The following CPLANE1 variants were observed in gnomAD, a reference collection of about 807,000 sequenced individuals.
CPLANE1 encodes ciliogenesis and planar polarity effector complex subunit 1.
CPLANE1 carries 263 observed loss-of-function variants against 362.5 expected under a neutral mutation model. That is an observed-to-expected ratio of 0.73 (90% CI 0.66 to 0.80). CPLANE1 has a LOEUF of 0.80. Ranked by LOEUF, CPLANE1 falls within the 30% of genes least tolerant of loss-of-function variation. The probability of loss-of-function intolerance (pLI) is 0.00; values close to 1 mark genes in which losing one functional copy is unlikely to be tolerated. For missense variants in CPLANE1, 3,461 were observed against 3,793.4 expected, an observed-to-expected ratio of 0.91 and a Z score of 2.30; for synonymous variants, 1,212 against 1,302.6, an observed-to-expected ratio of 0.93 and a Z score of 1.50.
chr5:37,112,928 A>G (rs1393049579), intron 51 of CPLANE1, among the ~76,000 whole-genome samples: 10 of 152,224 alleles, frequency 6.6e-5, no homozygotes, highest in Non-Finnish European at 1.3e-4. Context: ...GGGACTTTCA[A>G]AAACAAAACA....
chr5:37,180,167 C>G lies in CPLANE1; in HGVS notation c.5587G>C (p.Ala1863Pro). Residue 1863 changes from alanine to proline, a missense_variant, in exon 28 of 53, where the codon GCA (alanine) becomes CCA (proline). Coordinates refer to ENST00000651892, the MANE Select transcript of CPLANE1 (RefSeq NM_001384732.1). ...ATTTCTTTTATATCAGGATTTTTTG[C>G]TTCAGTTGGCATTCTACTGAAAAAA... is the stretch of plus-strand genomic sequence containing the variant. ...QNILNRMPTE[A>P]KNPDIKEIND... 6.7e-7 allele frequency: 1 copy of G among 1,499,438 alleles called. No homozygotes were observed. Among genetic ancestry groups the G allele is most frequent in the Non-Finnish European group, 8.9e-7 (1 of 1,123,500 alleles). 92.9% of individuals were successfully genotyped at this position (1,499,438 alleles called of 1,614,324 possible). A position where few individuals can be genotyped will look rare whatever the true frequency, so the allele number is the denominator to read the frequency against.
chr5:37,100,545 T>C, the CPLANE1 span, among the ~76,000 whole-genome samples: 3 of 152,254 alleles, frequency 2.0e-5, no homozygotes, highest in Non-Finnish European at 4.4e-5. Flanking sequence ...GGTAGCATGA[T>C]GCCTCAAGCT....
chr5:37,243,735 TA>T (rs1738482142), intron 5 of CPLANE1, among the ~76,000 whole-genome samples: 1 of 146,270 alleles, frequency 6.8e-6, no homozygotes, highest in South Asian at 2.1e-4. Flanking sequence ...GTATTATATA[TA>T]ATATATAATA....
intron 41 of CPLANE1, 102 bp from the exon 42 acceptor site, chr5:37,154,095 C>T: frequency 1.0e-6 from 1 of 982,642 alleles, no homozygotes; most frequent in African/African-American, 1.6e-5. Flanking sequence ...CAACACAACA[C>T]TACTTTCCAA....
At chr5:37,155,080 A>G (rs1003859618) in intron 41 of CPLANE1, among the ~76,000 whole-genome samples, 13 of 152,322 alleles carry the variant, frequency 8.5e-5, no homozygotes, top group Non-Finnish European at 1.6e-4. Context: ...AGCTTTCACA[A>G]TAAATAGACC....
At chr5:37,093,334 C>T in the CPLANE1 span, among the ~76,000 whole-genome samples, 2 of 152,210 alleles carry the variant, frequency 1.3e-5, no homozygotes. Context: ...GATGCACTGG[C>T]ATTCCAACAG....
At chr5:37,146,659 C>T (rs1029997149) in intron 43 of CPLANE1, among the ~76,000 whole-genome samples, 7 of 151,772 alleles carry the variant, frequency 4.6e-5, no homozygotes, top group South Asian at 2.1e-4. Context: ...GTCTGGGTTT[C>T]GTTTCAAAAT....
chr5:37,180,032 T>A lies in CPLANE1; in HGVS notation c.5722A>T (p.Ile1908Leu). 6.4e-7 allele frequency: 1 copy of A among 1,557,120 alleles called. No individual in the cohort carries two copies. Among genetic ancestry groups the A allele is most frequent in the Non-Finnish European group, 8.7e-7 (1 of 1,155,606 alleles). Residue 1908 changes from isoleucine to leucine, a missense_variant, in exon 28 of 53, where the codon ATA (isoleucine) becomes TTA (leucine). Ile to Leu is a conservative substitution (Grantham distance 5). Coordinates refer to ENST00000651892, the MANE Select transcript of CPLANE1 (RefSeq NM_001384732.1). ...AFTEEEMDMH[I>L]SDYEEDIEES... ...ATGAACTGACCTTCATAGTCTGATA[T>A]GTGCATATCCATTTCCTCTTCTGTA... is the stretch of plus-strand genomic sequence containing the variant.
At chr5:37,212,596 T>C (rs1366735292) in intron 16 of CPLANE1, among the ~76,000 whole-genome samples, 6 of 151,946 alleles carry the variant, frequency 3.9e-5, no homozygotes, top group Non-Finnish European at 5.9e-5. Flanking sequence ...GTGTGGCAAA[T>C]AGTAGGCACT....
chr5:37,184,172 A>T (rs1458062221), intron 25 of CPLANE1, among the ~76,000 whole-genome samples: 1 of 152,174 alleles, frequency 6.6e-6, no homozygotes, highest in Non-Finnish European at 1.5e-5. Context: ...TTGTTTTACC[A>T]CACAAAAACT....
At chr5:37,156,340 A>AT (rs1484162655) in intron 41 of CPLANE1, among the ~76,000 whole-genome samples, 1 of 152,230 alleles carries the variant, frequency 6.6e-6, no homozygotes, top group Admixed American at 6.5e-5. Context: ...GTGGTGGCTC[A>AT]TGCCTATAAT....
chr5:37,226,779 A>C lies in CPLANE1; in HGVS notation c.1816T>G (p.Phe606Val), dbSNP rs1164067387. ...CATTTTATAAATTGAAGAATGTAAA[A>C]AAAATGAGTGATACAAACTACTATG... ...NYIVVCITHF[F>V]YILQFIKCPF... The change falls in exon 12 of 53, where the codon TTT (phenylalanine) becomes GTT (valine). Residue 606 changes from phenylalanine to valine, a missense_variant. Transcript: ENST00000651892. 6.5e-7 allele frequency: 1 copy of C among 1,542,226 alleles called. No homozygotes were observed. The highest frequency in any genetic ancestry group is 1.2e-5 in the South Asian group (1 of 81,708).
chr5:37,086,756 C>CT, the CPLANE1 span, among the ~76,000 whole-genome samples: 1 of 152,108 alleles, frequency 6.6e-6, no homozygotes, highest in African/African-American at 2.4e-5. Flanking sequence ...TGACAGCACT[C>CT]TTCTTAGAGT....
chr5:37,157,453 T>C (rs982908989), intron 40 of CPLANE1, 33 bp from the exon 41 acceptor site: 37 of 1,449,478 alleles, frequency 2.6e-5, no homozygotes, highest in Non-Finnish European at 3.4e-5. Flanking sequence ...CATAGAGGAA[T>C]TGGCTGATTC....
chr5:37,084,958 C>T, the CPLANE1 span: 1 of 537,602 alleles, frequency 1.9e-6, no homozygotes, highest in East Asian at 3.1e-5. Flanking sequence ...GAAGGAGTAG[C>T]TATTTTTATA....
At chr5:37,077,986 C>T in the CPLANE1 span, among the ~76,000 whole-genome samples, 10 of 152,130 alleles carry the variant, frequency 6.6e-5, no homozygotes, top group Non-Finnish European at 1.5e-4. Flanking sequence ...CTCCTGGGCT[C>T]AAGCGATCCT....
the CPLANE1 span, among the ~76,000 whole-genome samples, chr5:37,086,646 C>T: frequency 1.3e-5 from 2 of 152,126 alleles, no homozygotes; most frequent in African/African-American, 2.4e-5. Flanking sequence ...TGGAGGAAGG[C>T]GACCAGGTTG....
At chr5:37,187,032 GCCTGGGTGA>G (rs1554085546) in intron 23 of CPLANE1, among the ~76,000 whole-genome samples, 3 of 127,866 alleles carry the variant, frequency 2.3e-5, no homozygotes, top group Non-Finnish European at 4.6e-5. Flanking sequence ...CTGCACTCTA[GCCTGGGTGA>G]CAGAGCGAGA....
rs1774237061 is a variant in CPLANE1 at position 37,153,755 on chromosome 5, A to C, written c.8358T>G (p.Asp2786Glu). Residue 2786 changes from aspartate to glutamate, a missense_variant, in exon 42 of 53, where the codon GAT (aspartate) becomes GAG (glutamate). This residue lies in a region of CPLANE1 where 3,380 missense variants were observed against 3,666.1 expected (regional missense o/e 0.92). Coordinates refer to ENST00000651892, the MANE Select transcript of CPLANE1 (RefSeq NM_001384732.1). ...GGTAGTCTACCTTATCACAATGTAG[A>C]TCTAGCATTTCAGGCTTGGGGAAAT... ...EQDFPKPEML[D>E]LHCDKIGPVD... is the part of the protein sequence containing the mutation. 1 of 1,612,904 alleles carries C rather than the reference A, an allele frequency of 6.2e-7. No homozygotes were observed. Among genetic ancestry groups the C allele is most frequent in the East Asian group, 2.2e-5 (1 of 44,848 alleles).
Sources: allele counts gnomAD v4.1 joint callset (sites outside exome capture counted in the v4.1 genomes callset), GRCh38; gene constraint gnomAD v4.1.1; regional missense constraint gnomAD v4.1.1; transcripts MANE v1.5; gene names NCBI Gene and HGNC (gene_info 2026-07-23, HGNC 2026-07-21).